Variants in GRIP1 observed in about 807,000 individuals in gnomAD.
The protein encoded by GRIP1 is glutamate receptor-interacting protein 1.
In GRIP1, 45 loss-of-function variants were observed where a neutral mutation model predicts 129.9. The ratio of observed to expected loss-of-function variants is 0.35; its 90% confidence interval spans 0.27 to 0.44. GRIP1 has a LOEUF of 0.44. Among genes scored for constraint, GRIP1 ranks in the 20% least tolerant of loss-of-function variants. The pLI, the probability that GRIP1 is intolerant of heterozygous loss-of-function variation, is 1.00. For missense variants in GRIP1, 1,196 were observed against 1,396.8 expected, an observed-to-expected ratio of 0.86 and a Z score of 2.29; for synonymous variants, 530 against 520.8, an observed-to-expected ratio of 1.02 and a Z score of -0.24.
At chr12:66,934,644 G>A (rs2137420305) in intron 1 of GRIP1, among the ~76,000 whole-genome samples, 1 of 152,298 alleles carries the variant, frequency 6.6e-6, no homozygotes, top group East Asian at 1.9e-4. Flanking sequence ...AAAAATACTT[G>A]TGAAATGATC....
At chr12:66,816,721 T>C (rs1592873286) in intron 1 of GRIP1, among the ~76,000 whole-genome samples, 1 of 152,174 alleles carries the variant, frequency 6.6e-6, no homozygotes, top group East Asian at 1.9e-4. Flanking sequence ...CAGCCTTCTT[T>C]TTATCCTATA....
intron 1 of GRIP1, among the ~76,000 whole-genome samples, chr12:66,734,708 T>C (rs2036541761): frequency 6.6e-6 from 1 of 152,162 alleles, no homozygotes; most frequent in Admixed American, 6.6e-5. Context: ...CAGAAACAGA[T>C]AACTTCCCTC....
chr12:67,047,206 T>C (rs1433382030), intron 1 of GRIP1, among the ~76,000 whole-genome samples: 3 of 152,198 alleles, frequency 2.0e-5, no homozygotes, highest in Admixed American at 1.3e-4. Context: ...TGCTTGGATA[T>C]AAGTTCCAAT....
intron 1 of GRIP1, among the ~76,000 whole-genome samples, chr12:66,672,061 G>A (rs1222776480): frequency 6.6e-6 from 1 of 152,166 alleles, no homozygotes; most frequent in Non-Finnish European, 1.5e-5. Flanking sequence ...GGAAGAAGAT[G>A]TAAGACAAAA....
chr12:66,656,087 T>C (rs2033138599), intron 1 of GRIP1, among the ~76,000 whole-genome samples: 1 of 152,138 alleles, frequency 6.6e-6, no homozygotes, highest in Non-Finnish European at 1.5e-5. Context: ...TCTCCAGGCA[T>C]CCAATAGACT....
intron 1 of GRIP1, among the ~76,000 whole-genome samples, chr12:66,829,226 G>T (rs2039472531): frequency 6.6e-6 from 1 of 152,088 alleles, no homozygotes; most frequent in South Asian, 2.1e-4. Flanking sequence ...AAGTTCTAAA[G>T]CACAGACCCA....
intron 5 of GRIP1, among the ~76,000 whole-genome samples, chr12:66,522,067 T>C (rs1334041346): frequency 6.6e-6 from 1 of 152,154 alleles, no homozygotes; most frequent in African/African-American, 2.4e-5. Context: ...AGGATCCACC[T>C]CTCGGGGCAG....
At chr12:66,753,497 A>G (rs942282661) in intron 1 of GRIP1, among the ~76,000 whole-genome samples, 1 of 152,184 alleles carries the variant, frequency 6.6e-6, no homozygotes, top group Admixed American at 6.5e-5. Context: ...GACCTAAGTG[A>G]AAAATAAATC....
intron 1 of GRIP1, among the ~76,000 whole-genome samples, chr12:67,022,637 T>C (rs1037704647): frequency 3.9e-5 from 6 of 152,202 alleles, no homozygotes; most frequent in African/African-American, 1.4e-4. Flanking sequence ...TTTGAATAGA[T>C]TTGTATAGGT....
chr12:66,548,845 T>A (rs1358217087), intron 2 of GRIP1, among the ~76,000 whole-genome samples: 1 of 152,120 alleles, frequency 6.6e-6, no homozygotes, highest in Admixed American at 6.6e-5. Context: ...AAATTTAACA[T>A]TGAAATACCA....
chr12:66,504,824 T>C (rs1288045828), intron 7 of GRIP1, among the ~76,000 whole-genome samples: 1 of 152,234 alleles, frequency 6.6e-6, no homozygotes, highest in African/African-American at 2.4e-5. Flanking sequence ...TCTCAAAAGC[T>C]ACTTATTCAT....
rs757249619 is a variant in GRIP1, at chr12:66,379,364, A to G, written c.2537T>C (p.Leu846Ser). The change falls in exon 20 of 25, where the codon TTG (leucine) becomes TCG (serine). Residue 846 changes from leucine (L) to serine (S), a missense_variant. Transcript: ENST00000359742. Reference sequence around the variant, plus strand: ...GCTTCGAGGCTTAGTGACTGGGGACAAGCTGCCTCTCTGTTTTGGACTCCT... The same window carrying G: ...GCTTCGAGGCTTAGTGACTGGGGACGAGCTGCCTCTCTGTTTTGGACTCCT... Reference protein sequence around the residue: ...DWRSPKQRGSLSPVTKPRSQT... With the variant: ...DWRSPKQRGSSSPVTKPRSQT... The G allele has an allele frequency of 6.2e-7, 1 of 1,614,090 alleles. No homozygotes were observed. Among genetic ancestry groups the G allele is most frequent in the South Asian group, 1.1e-5 (1 of 91,080 alleles).
At chr12:66,942,414 C>G (rs1205840328) in intron 1 of GRIP1, among the ~76,000 whole-genome samples, 2 of 152,118 alleles carry the variant, frequency 1.3e-5, no homozygotes, top group African/African-American at 4.8e-5. Context: ...TGTTCTTCTT[C>G]CCACTTTCTT....
chr12:66,761,495 C>A (rs770919819), intron 1 of GRIP1, among the ~76,000 whole-genome samples: 1 of 152,168 alleles, frequency 6.6e-6, no homozygotes, highest in African/African-American at 2.4e-5. Context: ...CCAGATCCCA[C>A]AAAGTCTCAT....
intron 1 of GRIP1, among the ~76,000 whole-genome samples, chr12:66,713,554 C>T (rs1027974573): frequency 2.0e-5 from 3 of 151,862 alleles, no homozygotes; most frequent in African/African-American, 7.3e-5. Flanking sequence ...TCTTGAACCC[C>T]CCATTCTTGG....
chr12:66,555,561 T>C (rs2062300212), intron 2 of GRIP1, among the ~76,000 whole-genome samples: 1 of 152,086 alleles, frequency 6.6e-6, no homozygotes, highest in Admixed American at 6.6e-5. Flanking sequence ...CCTCATCAAC[T>C]GAATAACATA....
intron 1 of GRIP1, among the ~76,000 whole-genome samples, chr12:66,947,704 T>G (rs2041694151): frequency 1.3e-5 from 2 of 152,166 alleles, no homozygotes; most frequent in Admixed American, 1.3e-4. Flanking sequence ...GAACAAGAAT[T>G]CTAACCAAAA....
At chr12:66,822,119 G>A (rs948057417) in intron 1 of GRIP1, among the ~76,000 whole-genome samples, 1 of 152,144 alleles carries the variant, frequency 6.6e-6, no homozygotes, top group Non-Finnish European at 1.5e-5. Context: ...AGGAAGAAAG[G>A]AAAGAGCTGA....
chr12:66,430,579 T>C (rs1322057361), intron 14 of GRIP1, among the ~76,000 whole-genome samples: 1 of 152,202 alleles, frequency 6.6e-6, no homozygotes, highest in East Asian at 1.9e-4. Context: ...AAAACAAATA[T>C]TTTGTAGTTT....
Sources: allele counts gnomAD v4.1 joint callset (sites outside exome capture counted in the v4.1 genomes callset), GRCh38; gene constraint gnomAD v4.1.1; transcripts MANE v1.5; gene names NCBI Gene and HGNC (gene_info 2026-07-23, HGNC 2026-07-21).